The following LHFPL3 variants were observed in gnomAD, a reference collection of about 807,000 sequenced individuals.
LHFPL3 encodes LHFPL tetraspan subfamily member 3.
LHFPL3 carries 5 observed loss-of-function variants against 19.3 expected under a neutral mutation model. The ratio of observed to expected loss-of-function variants is 0.26; its 90% CI spans 0.14 to 0.54. LHFPL3 has a LOEUF of 0.54. Among genes scored for constraint, LHFPL3 ranks in the 20% least tolerant of loss-of-function variants. The pLI is 0.94. For synonymous variants in LHFPL3, 133 were observed against 126.2 expected (o/e 1.05, Z -0.36); for missense variants, 249 against 307.4 (o/e 0.81, Z 1.42).
chr7:104,879,757 G>T (rs766683894), intron 2 of LHFPL3, among the ~76,000 whole-genome samples: 1 of 152,212 alleles, frequency 6.6e-6, no homozygotes, highest in Non-Finnish European at 1.5e-5. Flanking sequence ...AGAAACCACA[G>T]CAAGTTATCC....
chr7:104,479,474 C>T (rs1793089243), intron 1 of LHFPL3, among the ~76,000 whole-genome samples: 2 of 151,954 alleles, frequency 1.3e-5, no homozygotes, highest in Non-Finnish European at 2.9e-5. Context: ...TCACTGCAAC[C>T]TCCGCCTCCC....
At chr7:104,893,385 A>G (rs1439079332) in intron 2 of LHFPL3, among the ~76,000 whole-genome samples, 1 of 151,786 alleles carries the variant, frequency 6.6e-6, no homozygotes, top group African/African-American at 2.4e-5. Context: ...ATGGTAGTAT[A>G]TATCTGTAGT....
chr7:104,516,306 A>T (rs1381701544), intron 1 of LHFPL3, among the ~76,000 whole-genome samples: 1 of 152,106 alleles, frequency 6.6e-6, no homozygotes, highest in Non-Finnish European at 1.5e-5. Context: ...CACCCTTATG[A>T]TTCAGTTATC....
At chr7:104,500,897 T>A (rs2115731423) in intron 1 of LHFPL3, among the ~76,000 whole-genome samples, 1 of 152,342 alleles carries the variant, frequency 6.6e-6, no homozygotes, top group South Asian at 2.1e-4. Flanking sequence ...CTTCTCATCC[T>A]TCAAGTGGCA....
intron 2 of LHFPL3, among the ~76,000 whole-genome samples, chr7:104,810,321 G>A (rs1156833183): frequency 6.6e-6 from 1 of 152,170 alleles, no homozygotes; most frequent in Admixed American, 6.5e-5. Context: ...GGCTCAGAAG[G>A]GTGGAAATCA....
At chr7:104,599,426 A>G (rs1790922992) in intron 1 of LHFPL3, among the ~76,000 whole-genome samples, 2 of 152,224 alleles carry the variant, frequency 1.3e-5, no homozygotes, top group African/African-American at 4.8e-5. Flanking sequence ...TAGAAGTAAT[A>G]GAACAAAACA....
intron 1 of LHFPL3, among the ~76,000 whole-genome samples, chr7:104,585,480 A>AC (rs1790551501): frequency 3.0e-4 from 37 of 123,460 alleles, no homozygotes; most frequent in Middle Eastern, 8.8e-3. Context: ...AACACACACA[A>AC]ACACACACAC....
At chr7:104,792,490 T>G (rs917041141) in intron 2 of LHFPL3, among the ~76,000 whole-genome samples, 1 of 152,192 alleles carries the variant, frequency 6.6e-6, no homozygotes, top group African/African-American at 2.4e-5. Flanking sequence ...ACTAAATAGC[T>G]TTTTCACTAT....
Position 104,748,968 on chromosome 7 carries a change from C to A in LHFPL3, c.682+12057C>A, listed in dbSNP as rs556060614. ...ATTTTTTCTTCCACTAATTTAATTT[C>A]TTTTGTTGCCTCTGGGGTTAACATT... On this transcript the variant is annotated intron_variant, in intron 2 of 2. Coordinates refer to ENST00000424859, the MANE Select transcript of LHFPL3 (RefSeq NM_199000.3). Among the ~76,000 whole-genome samples the A allele has an allele frequency of 6.6e-5, 10 of 152,292 alleles. No individual in the cohort carries two copies. In the East Asian group the frequency reaches 1.7e-3, roughly 26 times the overall value.
chr7:104,585,480 AACACACACACACACAC>A (rs57028058), intron 1 of LHFPL3, among the ~76,000 whole-genome samples: 21 of 123,452 alleles, frequency 1.7e-4, no homozygotes, highest in African/African-American at 4.8e-4. Flanking sequence ...AACACACACA[AACACACACACACACAC>A]ACACACACAC....
At chr7:104,504,989 G>A (rs1793668999) in intron 1 of LHFPL3, among the ~76,000 whole-genome samples, 1 of 148,656 alleles carries the variant, frequency 6.7e-6, no homozygotes, top group African/African-American at 2.5e-5. Flanking sequence ...ACATATATGT[G>A]TACACATATA....
At chr7:104,520,725 T>C (rs1794039728) in intron 1 of LHFPL3, among the ~76,000 whole-genome samples, 1 of 136,684 alleles carries the variant, frequency 7.3e-6, no homozygotes, top group African/African-American at 2.7e-5. Context: ...ATTTTCTAGT[T>C]TATTTGCGTA....
chr7:104,331,431 A>AGT (rs1554375871), intron 1 of LHFPL3, among the ~76,000 whole-genome samples: 1 of 152,212 alleles, frequency 6.6e-6, no homozygotes, highest in African/African-American at 2.4e-5. Context: ...GGTAAACTAT[A>AGT]GTACATGATT....
intron 1 of LHFPL3, among the ~76,000 whole-genome samples, chr7:104,407,996 A>G (rs1791453433): frequency 6.6e-6 from 1 of 152,196 alleles, no homozygotes; most frequent in African/African-American, 2.4e-5. Context: ...TAGAACTGCA[A>G]TTAGACTGCC....
chr7:104,359,287 A>G (rs1790344756), intron 1 of LHFPL3, among the ~76,000 whole-genome samples: 1 of 152,238 alleles, frequency 6.6e-6, no homozygotes, highest in African/African-American at 2.4e-5. Context: ...GCATAAGTGG[A>G]ACACTAGACA....
rs1790350459 is a variant in LHFPL3 at position 104,805,853 on chromosome 7, G to A, written c.682+68942G>A. Among the ~76,000 whole-genome samples, 6 of 152,250 alleles carry A rather than the reference G, an allele frequency of 3.9e-5. No individual in the cohort carries two copies. In the South Asian group the frequency reaches 1.2e-3, roughly 32 times the overall value. On this transcript the variant is annotated intron_variant, in intron 2 of 2. Coordinates refer to ENST00000424859, the MANE Select transcript of LHFPL3 (RefSeq NM_199000.3). ...CTCTAGAACAGCCCTCAGGGAATAGGATTTACTAGGTTAACCCTAGCCACA... is the reference window on the plus strand; with the variant it reads ...CTCTAGAACAGCCCTCAGGGAATAGAATTTACTAGGTTAACCCTAGCCACA...
chr7:104,350,233 A>C (rs1790146762), intron 1 of LHFPL3, among the ~76,000 whole-genome samples: 1 of 152,234 alleles, frequency 6.6e-6, no homozygotes, highest in African/African-American at 2.4e-5. Flanking sequence ...CACTAGCCAC[A>C]CTTCAAATTC....
At chr7:104,636,216 T>C (rs1329707850) in intron 1 of LHFPL3, among the ~76,000 whole-genome samples, 1 of 152,014 alleles carries the variant, frequency 6.6e-6, no homozygotes, top group African/African-American at 2.4e-5. Flanking sequence ...CTTTTTTCAA[T>C]AGTTAGTGTC....
In LHFPL3 at chr7:104,329,131, C is replaced by G. The variant is rs1312808634; in HGVS notation, c.352C>G (p.Leu118Val). Residue 118 changes from leucine (L) to valine (V), a missense_variant, in exon 1 of 3, where the codon CTC becomes GTC. Physicochemically the swap from Leu to Val is conservative, Grantham distance 32. Coordinates refer to ENST00000424859, the MANE Select transcript of LHFPL3 (RefSeq NM_199000.3). ...ASFFIGLSMMLIIACIICFTL... is the reference protein window; with the variant it reads ...ASFFIGLSMMVIIACIICFTL... ...CTTCTTTATCGGCCTCTCCATGATG[C>G]TCATCATTGCCTGCATCATTTGCTT... 1 of 1,614,086 alleles carries G rather than the reference C, an allele frequency of 6.2e-7. No individual in the cohort carries two copies. The highest frequency in any genetic ancestry group is 8.5e-7 in the Non-Finnish European group (1 of 1,179,912).
Sources: gnomAD v4.1 joint callset for allele counts (sites outside exome capture counted in the v4.1 genomes callset) on GRCh38, gnomAD v4.1.1 for gene constraint, MANE v1.5 for transcripts, NCBI Gene and HGNC (gene_info 2026-07-23, HGNC 2026-07-21) for gene names.